RALYL: variants seen among roughly 807,000 people sequenced by gnomAD.
The protein encoded by RALYL is RALY RNA binding protein like, also known as RNA-binding Raly-like protein.
RALYL carries 29 observed loss-of-function variants against 35.1 expected under a neutral mutation model. The ratio of observed to expected loss-of-function variants is 0.83; its 90% CI spans 0.61 to 1.13. RALYL has a LOEUF of 1.13. RALYL is among the 50% of genes most tolerant of loss of function. The pLI is 0.00. For missense variants in RALYL, 359 were observed against 360.4 expected (o/e 1.00, Z 0.03); for synonymous variants, 120 against 127.6 (o/e 0.94, Z 0.40).
intron 1 of RALYL, among the ~76,000 whole-genome samples, chr8:84,409,094 G>T (rs908282553): frequency 6.6e-6 from 1 of 151,982 alleles, no homozygotes; most frequent in African/African-American, 2.4e-5. Flanking sequence ...GTGGGTAAAT[G>T]ACTAAGATTA....
At chr8:84,522,954 A>T (rs2058578401) in intron 1 of RALYL, among the ~76,000 whole-genome samples, 1 of 151,938 alleles carries the variant, frequency 6.6e-6, no homozygotes, top group Non-Finnish European at 1.5e-5. Context: ...AGTTCCACAT[A>T]AACAGGGGGC....
rs540862840 is a variant in RALYL at position 84,209,170 on chromosome 8, C to T, written c.-24+24746C>T. On this transcript the variant is annotated intron_variant, in intron 1 of 8. Coordinates refer to ENST00000521268, the MANE Select transcript of RALYL (RefSeq NM_173848.7). Reference sequence around the variant, plus strand: ...GAAAAGAAAAGAAAAACTATGCATGCGAGATATTACAAGAAGCCTATTTTT... The same window carrying T: ...GAAAAGAAAAGAAAAACTATGCATGTGAGATATTACAAGAAGCCTATTTTT... Among the ~76,000 whole-genome samples the T allele has an allele frequency of 1.3e-3, 187 of 147,162 alleles. 1 individual carries two copies. Among genetic ancestry groups the T allele is most frequent in the African/African-American group, 3.8e-3 (152 of 39,832 alleles).
chr8:84,867,005 C>G (rs1274557068), intron 6 of RALYL, among the ~76,000 whole-genome samples: 1 of 152,094 alleles, frequency 6.6e-6, no homozygotes, highest in Non-Finnish European at 1.5e-5. Context: ...GCTTAAACAA[C>G]AGAAATTTAT....
intron 1 of RALYL, among the ~76,000 whole-genome samples, chr8:84,326,395 G>A (rs1845794842): frequency 6.6e-6 from 1 of 152,062 alleles, no homozygotes; most frequent in Non-Finnish European, 1.5e-5. Flanking sequence ...CAATTGAACT[G>A]TTCACTGCTT....
intron 8 of RALYL, among the ~76,000 whole-genome samples, chr8:84,898,173 G>T (rs6473571): frequency 6.6e-6 from 1 of 151,964 alleles, no homozygotes; most frequent in African/African-American, 2.4e-5. Flanking sequence ...ATCATGTGGA[G>T]TATTTGTTAG....
chr8:84,788,651 T>A (rs1248086428), intron 3 of RALYL, among the ~76,000 whole-genome samples: 1 of 152,166 alleles, frequency 6.6e-6, no homozygotes, highest in East Asian at 1.9e-4. Context: ...GGCAACTTCA[T>A]TAACATTAGT....
intron 1 of RALYL, among the ~76,000 whole-genome samples, chr8:84,364,555 A>G (rs1354095819): frequency 6.6e-6 from 1 of 152,128 alleles, no homozygotes; most frequent in African/African-American, 2.4e-5. Context: ...AAAGTTTAAT[A>G]ACATGAAAAG....
At chr8:84,471,878 C>G (rs1477238814) in intron 1 of RALYL, among the ~76,000 whole-genome samples, 1 of 152,024 alleles carries the variant, frequency 6.6e-6, no homozygotes, top group Non-Finnish European at 1.5e-5. Context: ...ATAAAAAATA[C>G]CATGAAGTGT....
rs536472806 is a variant in RALYL, at chr8:84,873,474, A to G, written c.685+77A>G. ...TCAATCACAGAAGCAGTACAGGGCC[A>G]GGAAGACACTGGCTGAGTTTAACAG... On this transcript the variant is annotated intron_variant, in intron 7 of 8. Coordinates refer to ENST00000521268, the MANE Select transcript of RALYL (RefSeq NM_173848.7). 9.6e-4 allele frequency: 781 copies of G among 813,014 alleles called. 4 individuals carry two copies. The highest frequency in any genetic ancestry group is 1.2e-3 in the Non-Finnish European group (620 of 496,580). 50.4% of individuals were successfully genotyped at this position (813,014 alleles called of 1,614,324 possible). A position where few individuals can be genotyped will look rare whatever the true frequency, so the allele number is the denominator to read the frequency against.
chr8:84,710,449 C>A (rs1021806778), intron 2 of RALYL, among the ~76,000 whole-genome samples: 3 of 151,868 alleles, frequency 2.0e-5, no homozygotes, highest in Non-Finnish European at 4.4e-5. Context: ...TTACAGGTGC[C>A]CACCACCATG....
intron 2 of RALYL, among the ~76,000 whole-genome samples, 152 bp downstream of exon 2, chr8:84,529,729 A>T (rs192163519): frequency 7.9e-5 from 12 of 152,150 alleles, no homozygotes; most frequent in African/African-American, 2.9e-4. Flanking sequence ...TCATCCTCAT[A>T]TTGTTTTGTA....
chr8:84,274,725 T>C (rs1158402736), intron 1 of RALYL, among the ~76,000 whole-genome samples: 1 of 152,110 alleles, frequency 6.6e-6, no homozygotes, highest in African/African-American at 2.4e-5. Flanking sequence ...ACAGGCAAAA[T>C]TGTTGTTTTA....
chr8:84,666,363 C>G (rs1832048881), intron 2 of RALYL, among the ~76,000 whole-genome samples: 1 of 151,960 alleles, frequency 6.6e-6, no homozygotes, highest in African/African-American at 2.4e-5. Context: ...TGTGCACACA[C>G]ATGTATACAG....
chr8:84,255,605 C>G (rs1012595475), intron 1 of RALYL, among the ~76,000 whole-genome samples: 1 of 152,074 alleles, frequency 6.6e-6, no homozygotes. Flanking sequence ...AAGAGTCTGA[C>G]ATTTTTTTTA....
chr8:84,500,615 C>G (rs996007053), intron 1 of RALYL, among the ~76,000 whole-genome samples: 1 of 152,110 alleles, frequency 6.6e-6, no homozygotes, highest in Admixed American at 6.6e-5. Context: ...TAGGAAAAAA[C>G]TGCATTCTGA....
At chr8:84,522,501 G>C (rs1452875414) in intron 1 of RALYL, among the ~76,000 whole-genome samples, 1 of 151,952 alleles carries the variant, frequency 6.6e-6, no homozygotes, top group Admixed American at 6.6e-5. Flanking sequence ...CGCCCGCCTC[G>C]GCCTCCCAAA....
At chr8:84,867,595 G>T (rs891025309) in intron 6 of RALYL, among the ~76,000 whole-genome samples, 2 of 152,178 alleles carry the variant, frequency 1.3e-5, no homozygotes, top group African/African-American at 4.8e-5. Context: ...AAAGAAATCA[G>T]TATGACGTGT....
intron 4 of RALYL, among the ~76,000 whole-genome samples, chr8:84,833,245 T>C (rs1302164270): frequency 6.6e-6 from 1 of 152,212 alleles, no homozygotes; most frequent in Non-Finnish European, 1.5e-5. Flanking sequence ...CACTGACACA[T>C]ACTAAACTAA....
intron 4 of RALYL, among the ~76,000 whole-genome samples, chr8:84,835,442 C>T (rs559865241): frequency 6.4e-5 from 9 of 140,742 alleles, no homozygotes; most frequent in East Asian, 6.2e-4. Context: ...CCGAGGTGAG[C>T]GGATCATCTG....
Sources: allele counts gnomAD v4.1 joint callset (sites outside exome capture counted in the v4.1 genomes callset), GRCh38; gene constraint gnomAD v4.1.1; transcripts MANE v1.5; gene names NCBI Gene and HGNC (gene_info 2026-07-23, HGNC 2026-07-21).